COA1: variants seen among roughly 807,000 people sequenced by gnomAD.
COA1 encodes the protein cytochrome c oxidase assembly factor 1 homolog.
A neutral mutation model predicts 16.0 loss-of-function variants in COA1; 13 were observed. The ratio of observed to expected loss-of-function variants is 0.81; its 90% confidence interval spans 0.53 to 1.29. COA1 has a LOEUF of 1.29. COA1 is among the 50% of genes most tolerant of loss of function. COA1 has a pLI of 0.00. For synonymous variants in COA1, 65 were observed against 65.7 expected (o/e 0.99, Z 0.05); for missense variants, 179 against 177.0 (o/e 1.01, Z -0.06).
At chr7:43,725,247 A>G (rs2095592074) in intron 1 of COA1, among the ~76,000 whole-genome samples, 1 of 152,044 alleles carries the variant, frequency 6.6e-6, no homozygotes, top group African/African-American at 2.4e-5. Context: ...TCAAAAAAAA[A>G]AAAAGAAAAA....
chr7:43,728,922 ATCCAATG>A (rs1285115978), intron 1 of COA1, among the ~76,000 whole-genome samples: 2 of 152,180 alleles, frequency 1.3e-5, no homozygotes, highest in African/African-American at 2.4e-5. Context: ...ACATAAATAC[ATCCAATG>A]TCCCCTACAC....
intron 1 of COA1, among the ~76,000 whole-genome samples, chr7:43,693,444 C>T (rs1217819947): frequency 6.6e-6 from 1 of 152,154 alleles, no homozygotes; most frequent in Non-Finnish European, 1.5e-5. Context: ...CAGTACTCCA[C>T]TTGACCTCGG....
intron 1 of COA1, among the ~76,000 whole-genome samples, chr7:43,687,168 A>T (rs1438063710): frequency 2.0e-5 from 3 of 152,190 alleles, no homozygotes; most frequent in Non-Finnish European, 4.4e-5. Context: ...CTAGCTCAGA[A>T]TCTGCCCTGA....
chr7:43,614,271 C>T (rs570776648), intron 6 of COA1, among the ~76,000 whole-genome samples: 16 of 152,082 alleles, frequency 1.1e-4, no homozygotes, highest in Non-Finnish European at 2.2e-4. Context: ...ATTTACGGAC[C>T]GTCTGCAGGT....
chr7:43,670,501 C>A (rs2093192601), intron 1 of COA1, among the ~76,000 whole-genome samples: 2 of 152,032 alleles, frequency 1.3e-5, no homozygotes, highest in African/African-American at 2.4e-5. Flanking sequence ...AGTAATTAAT[C>A]TATTTATTCA....
Position 43,725,630 on chromosome 7 carries a change from G to A in COA1, c.-39+3799C>T, listed in dbSNP as rs545062666. On this transcript the variant is annotated intron_variant, in intron 1 of 5. Coordinates refer to ENST00000223336, the MANE Select transcript of COA1 (RefSeq NM_018224.4). The stretch of plus-strand genomic sequence containing the variant: ...CCCCAGCACTTTAGGAGGCCGAGGC[G>A]GTGGATCACCTGAGGTCAGGAGTTC... Among the ~76,000 whole-genome samples, 43 of 152,150 alleles carry A rather than the reference G, an allele frequency of 2.8e-4. 1 individual carries two copies. Among genetic ancestry groups the A allele is most frequent in the Middle Eastern group, 3.4e-3 (1 of 294 alleles).
chr7:43,690,179 T>G (rs1339437441), intron 1 of COA1, among the ~76,000 whole-genome samples: 1 of 152,142 alleles, frequency 6.6e-6, no homozygotes, highest in African/African-American at 2.4e-5. Flanking sequence ...ACAACCACTA[T>G]GAAAAACAGT....
intron 4 of COA1, chr7:43,640,959 C>T (rs891145247): frequency 1.5e-5 from 4 of 266,868 alleles, no homozygotes; most frequent in East Asian, 2.0e-4. Context: ...TCCTGATACA[C>T]GGAGCAACAT....
chr7:43,666,420 C>T (rs769693434), intron 1 of COA1, among the ~76,000 whole-genome samples: 2 of 152,178 alleles, frequency 1.3e-5, no homozygotes, highest in Admixed American at 1.3e-4. Context: ...AAGCCAGTAA[C>T]CCTATTAAGA....
chr7:43,720,147 C>T (rs2095477327), intron 1 of COA1, among the ~76,000 whole-genome samples: 2 of 151,888 alleles, frequency 1.3e-5, no homozygotes, highest in South Asian at 2.1e-4. Flanking sequence ...GGCATGGTGG[C>T]GGGCACCTGT....
At chr7:43,647,975 C>T (rs948152535) in intron 2 of COA1, 2 of 268,732 alleles carry the variant, frequency 7.4e-6, no homozygotes, top group Non-Finnish European at 1.4e-5. Flanking sequence ...GGAAGCACAA[C>T]CACTTTGTCT....
At chr7:43,610,535 C>T (rs992303547) in intron 6 of COA1, among the ~76,000 whole-genome samples, 9 of 150,400 alleles carry the variant, frequency 6.0e-5, no homozygotes, top group Non-Finnish European at 1.2e-4. Context: ...AGTGTGGTGG[C>T]GCACGCCTAT....
chr7:43,665,104 G>A (rs2092789734), intron 1 of COA1, among the ~76,000 whole-genome samples: 1 of 152,106 alleles, frequency 6.6e-6, no homozygotes, highest in Non-Finnish European at 1.5e-5. Flanking sequence ...AAACATTAAT[G>A]TGTTTTACAT....
chr7:43,716,298 T>C (rs1463416190), intron 1 of COA1, among the ~76,000 whole-genome samples: 1 of 152,164 alleles, frequency 6.6e-6, no homozygotes, highest in African/African-American at 2.4e-5. Flanking sequence ...TTGAATGGAT[T>C]TGACAAAAAT....
At chr7:43,694,526 G>C (rs1300200366) in intron 1 of COA1, among the ~76,000 whole-genome samples, 1 of 152,084 alleles carries the variant, frequency 6.6e-6, no homozygotes, top group Non-Finnish European at 1.5e-5. Context: ...CAATCTATTA[G>C]AGCATTCCAT....
chr7:43,680,317 G>A lies in COA1; in HGVS notation c.-38-31665C>T, dbSNP rs2093709151. On this transcript the variant is annotated intron_variant, in intron 1 of 5. Transcript: ENST00000223336. ...AAAAAAAAAAAGTAAGTAGGGAGGA[G>A]AGCATAAGAAATGTAAAGGGTATAA... Among the ~76,000 whole-genome samples the A allele has an allele frequency of 1.3e-5, 2 of 149,746 alleles. 1 individual carries two copies. Among genetic ancestry groups the A allele is most frequent in the South Asian group, 4.2e-4 (2 of 4,774 alleles).
downstream of COA1, among the ~76,000 whole-genome samples, chr7:43,637,040 C>T (rs745691934): frequency 4.6e-5 from 7 of 152,210 alleles, no homozygotes; most frequent in Non-Finnish European, 1.0e-4. Flanking sequence ...CCCATCTGCC[C>T]GCTCTGGGGC....
intron 1 of COA1, among the ~76,000 whole-genome samples, chr7:43,718,201 A>T (rs2095433679): frequency 6.6e-6 from 1 of 152,238 alleles, no homozygotes; most frequent in Admixed American, 6.5e-5. Flanking sequence ...CAAATGTATT[A>T]TTATTTATTT....
chr7:43,647,508 G>A (rs1234965362), intron 3 of COA1, 27 bp downstream of exon 3: 1 of 1,520,702 alleles, frequency 6.6e-7, no homozygotes. Flanking sequence ...AGGAGGTCAG[G>A]CCGCAGGCGG....
Sources: gnomAD v4.1 joint callset for allele counts (sites outside exome capture counted in the v4.1 genomes callset) on GRCh38, gnomAD v4.1.1 for gene constraint, MANE v1.5 for transcripts, NCBI Gene and HGNC (gene_info 2026-07-23, HGNC 2026-07-21) for gene names.